The following SIPA1L2 variants were observed in gnomAD, a reference collection of about 807,000 sequenced individuals.
SIPA1L2 encodes the protein signal-induced proliferation-associated 1-like protein 2.
In SIPA1L2, 56 loss-of-function variants were observed where a neutral mutation model predicts 163.9. The observed-to-expected ratio is 0.34, with a 90% CI of 0.28 to 0.43. SIPA1L2 has a LOEUF of 0.43. SIPA1L2 is among the 20% of genes least tolerant of loss of function. The pLI, the probability that SIPA1L2 is intolerant of heterozygous loss-of-function variation, is 1.00. For missense variants in SIPA1L2, 1,974 were observed against 2,193.5 expected, an observed-to-expected ratio of 0.90 and a Z score of 2.00; for synonymous variants, 877 against 865.7, an observed-to-expected ratio of 1.01 and a Z score of -0.23.
chr1:232,624,970 G>A (rs1196934928), intron 1 of SIPA1L2, among the ~76,000 whole-genome samples: 1 of 152,206 alleles, frequency 6.6e-6, no homozygotes, highest in Non-Finnish European at 1.5e-5. Flanking sequence ...GGAGGTCACA[G>A]ATCACAGTGT....
At chr1:232,420,707 T>TCGGGC in intron 18 of SIPA1L2, among the ~76,000 whole-genome samples, 1 of 152,054 alleles carries the variant, frequency 6.6e-6, no homozygotes, top group Non-Finnish European at 1.5e-5. Context: ...CGGTGGTGGA[T>TCGGGC]GCCTGTAGTC....
intron 1 of SIPA1L2, among the ~76,000 whole-genome samples, chr1:232,624,412 C>CA (rs1662971456): frequency 6.6e-6 from 1 of 152,220 alleles, no homozygotes; most frequent in Non-Finnish European, 1.5e-5. Context: ...AATGTGTTAT[C>CA]AAAACCACCT....
upstream of SIPA1L2, among the ~76,000 whole-genome samples, chr1:232,630,139 G>C (rs1663314578): frequency 6.6e-6 from 1 of 151,218 alleles, no homozygotes; most frequent in Non-Finnish European, 1.5e-5. Context: ...AGTCTGCCGC[G>C]CCGGCTCCCG....
At chr1:232,624,683 G>A (rs1157893437) in intron 1 of SIPA1L2, among the ~76,000 whole-genome samples, 1 of 152,196 alleles carries the variant, frequency 6.6e-6, no homozygotes, top group Non-Finnish European at 1.5e-5. Context: ...ACTAAATGGG[G>A]ATATTTCTCA....
Position 232,418,363 on chromosome 1 carries a change from C to T in SIPA1L2, c.4631-2738G>A, listed in dbSNP as rs376820030. Among the ~76,000 whole-genome samples the T allele has an allele frequency of 5.6e-4, 85 of 152,320 alleles. 1 individual carries two copies. In the South Asian group the frequency reaches 0.017, roughly 30 times the overall value. On this transcript the variant is annotated intron_variant, in intron 18 of 22. Coordinates refer to ENST00000674635, the MANE Select transcript of SIPA1L2 (RefSeq NM_020808.5). ...CCTCCTGCAGCTGTGTGCATCTTTC[C>T]CCAGTACTCAATAGAGTGGTTTCCT... is the stretch of plus-strand genomic sequence containing the variant.
chr1:232,509,854 T>C (rs1666898730), intron 3 of SIPA1L2, among the ~76,000 whole-genome samples: 1 of 152,218 alleles, frequency 6.6e-6, no homozygotes, highest in East Asian at 1.9e-4. Context: ...AGTTCACAGC[T>C]GCGCTGGAGA....
intron 1 of SIPA1L2, among the ~76,000 whole-genome samples, chr1:232,601,767 T>A (rs1381205625): frequency 6.6e-6 from 1 of 152,180 alleles, no homozygotes; most frequent in African/African-American, 2.4e-5. Context: ...CTTGTATTCT[T>A]TACAGTACAT....
In SIPA1L2 at chr1:232,562,026, G is replaced by A. The variant is rs540372452; in HGVS notation, c.-270+12148C>T. Among the ~76,000 whole-genome samples, 6 of 152,278 alleles carry A rather than the reference G, an allele frequency of 3.9e-5. No individual in the cohort carries two copies. In the East Asian group the frequency reaches 5.8e-4, roughly 15 times the overall value. On this transcript the variant is annotated intron_variant, in intron 2 of 22. Transcript: ENST00000674635. ...TGAGAGGCCCTGAGCGAGTAAATAC[G>A]GCTTCAAATATGGATAAGTTGCTGA...
intron 1 of SIPA1L2, among the ~76,000 whole-genome samples, chr1:232,627,856 A>C: frequency 6.6e-6 from 1 of 152,174 alleles, no homozygotes; most frequent in Non-Finnish European, 1.5e-5. Context: ...TATAGGTAGA[A>C]TGTGGGTACT....
intron 1 of SIPA1L2, among the ~76,000 whole-genome samples, chr1:232,604,509 T>A (rs2102861141): frequency 1.3e-5 from 2 of 152,344 alleles, no homozygotes; most frequent in South Asian, 4.1e-4. Flanking sequence ...TCTTTCACAA[T>A]AGATACTCTA....
intron 10 of SIPA1L2, among the ~76,000 whole-genome samples, chr1:232,452,723 A>G (rs1663659080): frequency 6.6e-6 from 1 of 152,192 alleles, no homozygotes. Flanking sequence ...TTTGTTCCCA[A>G]CAGGAACCCT....
intron 1 of SIPA1L2, among the ~76,000 whole-genome samples, chr1:232,628,434 G>C (rs1450653943): frequency 1.3e-5 from 2 of 152,160 alleles, no homozygotes; most frequent in Non-Finnish European, 2.9e-5. Flanking sequence ...ATTCAATCAA[G>C]CGGTAAACAT....
At chr1:232,536,205 C>T (rs1010168003) in intron 2 of SIPA1L2, among the ~76,000 whole-genome samples, 3 of 152,202 alleles carry the variant, frequency 2.0e-5, no homozygotes, top group Non-Finnish European at 2.9e-5. Flanking sequence ...TATCCCATTC[C>T]AGCTTGGGCC....
In SIPA1L2 at chr1:232,562,775, TCAGA is replaced by T. The variant is rs576163752; in HGVS notation, c.-270+11395_-270+11398del. On this transcript the variant is annotated intron_variant, in intron 2 of 22. Coordinates refer to ENST00000674635, the MANE Select transcript of SIPA1L2 (RefSeq NM_020808.5). ...TCCCCTCAGCAAATAAAACGCATCATCAGACAGAGGACAGAGACCTACAAACAAA... is the reference window on the plus strand; with the variant it reads ...TCCCCTCAGCAAATAAAACGCATCATCAGAGGACAGAGACCTACAAACAAA... 3.1e-3 allele frequency among the ~76,000 whole-genome samples: 479 copies of T among 152,304 alleles called. 2 individuals are homozygous for T. Among genetic ancestry groups the T allele is most frequent in the Non-Finnish European group, 5.4e-3 (367 of 68,020 alleles).
chr1:232,567,545 T>C (rs571301743), intron 2 of SIPA1L2, among the ~76,000 whole-genome samples: 23 of 152,222 alleles, frequency 1.5e-4, no homozygotes, highest in African/African-American at 4.8e-4. Context: ...GTAAAGCATA[T>C]CCTCCCTTGC....
chr1:232,616,045 G>A (rs1662483024), intron 1 of SIPA1L2, among the ~76,000 whole-genome samples: 1 of 152,156 alleles, frequency 6.6e-6, no homozygotes, highest in Non-Finnish European at 1.5e-5. Context: ...GTTCAGAAAT[G>A]GGGACTTTTA....
At chr1:232,589,084 G>A (rs1366922651) in intron 1 of SIPA1L2, among the ~76,000 whole-genome samples, 1 of 152,146 alleles carries the variant, frequency 6.6e-6, no homozygotes, top group African/African-American at 2.4e-5. Flanking sequence ...AAACATTTAG[G>A]TGGCAGTTCC....
At position 232,432,200 on chromosome 1, in the gene SIPA1L2, C is replaced by T. The variant is rs3765572; in HGVS notation, c.4256+47G>A. The T allele has an allele frequency of 0.033, 49,700 of 1,495,038 alleles. 4,961 individuals are homozygous for T. The East Asian group carries it at 0.41, about 12-fold the overall frequency. The allele number at this position is 1,495,038 out of a possible 1,614,324, so 92.6% of individuals were successfully genotyped here. A position where few individuals can be genotyped will look rare whatever the true frequency, so the allele number is the denominator to read the frequency against. On this transcript the variant is annotated intron_variant, in intron 16 of 22. Coordinates refer to ENST00000674635, the MANE Select transcript of SIPA1L2 (RefSeq NM_020808.5). ...GGAAAATACATTTGCTTAGTCAATCCCTACAGTGAAAAATGCTGACCAGAG... is the reference window on the plus strand; with the variant it reads ...GGAAAATACATTTGCTTAGTCAATCTCTACAGTGAAAAATGCTGACCAGAG...
chr1:232,434,343 G>A (rs1454538249), intron 15 of SIPA1L2, among the ~76,000 whole-genome samples: 1 of 152,098 alleles, frequency 6.6e-6, no homozygotes. Context: ...AAAACACTGC[G>A]GTATTAAGTA....
Sources: allele counts gnomAD v4.1 joint callset (sites outside exome capture counted in the v4.1 genomes callset), GRCh38; gene constraint gnomAD v4.1.1; transcripts MANE v1.5; gene names NCBI Gene and HGNC (gene_info 2026-07-23, HGNC 2026-07-21).